DHRSX: variants seen among roughly 807,000 people sequenced by gnomAD.
DHRSX encodes the protein dehydrogenase/reductase X-linked, also known as polyprenol dehydrogenase.
Under a neutral mutation model 34.0 loss-of-function variants are expected in DHRSX, and 31 were observed. That is an observed-to-expected ratio of 0.91 (90% CI 0.69 to 1.23). DHRSX has a LOEUF of 1.23. DHRSX is among the 50% of genes most tolerant of loss of function. The probability of loss-of-function intolerance (pLI) is 0.00; values close to 1 mark genes in which losing one functional copy is unlikely to be tolerated. For missense variants in DHRSX, 414 were observed against 428.1 expected (o/e 0.97, Z 0.29); for synonymous variants, 201 against 183.8 (o/e 1.09, Z -0.76).
intron 2 of DHRSX, among the ~76,000 whole-genome samples, chrX:2,417,055 T>C (rs775533856): frequency 5.3e-5 from 8 of 152,274 alleles, no homozygotes; most frequent in African/African-American, 1.9e-4. Context: ...GACTGCATAA[T>C]TGATTGGATT....
chrX:2,437,708 T>A (rs1372168586), intron 1 of DHRSX, among the ~76,000 whole-genome samples: 36 of 22,824 alleles, frequency 1.6e-3, no homozygotes, highest in Non-Finnish European at 3.0e-3. Context: ...AGTGTGTGTG[T>A]GTGTGTGTGT....
intron 3 of DHRSX, among the ~76,000 whole-genome samples, chrX:2,405,435 C>A (rs1027551337): frequency 2.2e-4 from 34 of 152,056 alleles, no homozygotes; most frequent in African/African-American, 7.7e-4. Context: ...TTGCAGTGAG[C>A]CGAGATCACA....
chrX:2,223,651 A>G (rs2015571058), intron 6 of DHRSX, among the ~76,000 whole-genome samples: 1 of 152,140 alleles, frequency 6.6e-6, no homozygotes, highest in African/African-American at 2.4e-5. Flanking sequence ...GGCAGGGGCC[A>G]AGTGAAGGCA....
chrX:2,493,441 A>G (rs1455334567), intron 1 of DHRSX, among the ~76,000 whole-genome samples: 2 of 151,834 alleles, frequency 1.3e-5, no homozygotes, highest in Admixed American at 6.6e-5. Context: ...CTCAAACAAA[A>G]GTTTAAATTC....
At chrX:2,387,699 A>G (rs1330656491) in intron 3 of DHRSX, among the ~76,000 whole-genome samples, 1 of 152,046 alleles carries the variant, frequency 6.6e-6, no homozygotes, top group Non-Finnish European at 1.5e-5. Flanking sequence ...ACCCAGGATC[A>G]ATACTTTGCA....
At chrX:2,340,941 C>A (rs62583720) in intron 3 of DHRSX, among the ~76,000 whole-genome samples, 1 of 152,034 alleles carries the variant, frequency 6.6e-6, no homozygotes, top group Admixed American at 6.6e-5. Context: ...AGCTGAGCAA[C>A]GAATATTGCC....
intron 3 of DHRSX, chrX:2,334,430 G>C (rs1443983215): frequency 6.6e-6 from 1 of 151,952 alleles, no homozygotes; most frequent in Non-Finnish European, 1.5e-5. Flanking sequence ...TGGGATTACA[G>C]GCGTGAGTCA....
chrX:2,322,485 G>A (rs1196645239), intron 3 of DHRSX, among the ~76,000 whole-genome samples: 1 of 150,890 alleles, frequency 6.6e-6, no homozygotes, highest in Non-Finnish European at 1.5e-5. Flanking sequence ...GGAGGCGTAG[G>A]CTGTACTGAG....
chrX:2,412,532 T>A (rs2043645039), intron 2 of DHRSX, among the ~76,000 whole-genome samples: 1 of 151,194 alleles, frequency 6.6e-6, no homozygotes, highest in South Asian at 2.1e-4. Flanking sequence ...TAAGAGTTCC[T>A]CAAAAAATGA....
At chrX:2,227,190 T>A (rs970450576) in intron 6 of DHRSX, among the ~76,000 whole-genome samples, 2 of 151,864 alleles carry the variant, frequency 1.3e-5, no homozygotes, top group Non-Finnish European at 2.9e-5. Flanking sequence ...CTGCACAGAA[T>A]CCTGCACCTG....
At chrX:2,407,100 T>G (rs2043564791) in intron 3 of DHRSX, among the ~76,000 whole-genome samples, 1 of 152,056 alleles carries the variant, frequency 6.6e-6, no homozygotes, top group African/African-American at 2.4e-5. Flanking sequence ...AAGGAGGAAA[T>G]CCTATCTCCT....
At chrX:2,363,307 G>A (rs969891375) in intron 3 of DHRSX, among the ~76,000 whole-genome samples, 2 of 140,796 alleles carry the variant, frequency 1.4e-5, no homozygotes, top group East Asian at 2.3e-4. Context: ...TTTTATCACC[G>A]TTCTATGGTA....
chrX:2,398,608 A>G (rs2043442871), intron 3 of DHRSX, among the ~76,000 whole-genome samples: 1 of 152,060 alleles, frequency 6.6e-6, no homozygotes, highest in African/African-American at 2.4e-5. Context: ...CTCTTTAGTG[A>G]AAATATATAC....
At chrX:2,474,948 A>G (rs984806840) in intron 1 of DHRSX, among the ~76,000 whole-genome samples, 3 of 150,852 alleles carry the variant, frequency 2.0e-5, no homozygotes, top group African/African-American at 7.3e-5. Context: ...CAGGGAAGGG[A>G]CAGCACTAAA....
At chrX:2,249,106 C>G (rs1283959289) in intron 5 of DHRSX, among the ~76,000 whole-genome samples, 2 of 151,952 alleles carry the variant, frequency 1.3e-5, no homozygotes, top group African/African-American at 2.4e-5. Flanking sequence ...GGCCAGACAA[C>G]CAAAGGAAGG....
At chrX:2,482,094 T>C (rs2044781693) in intron 1 of DHRSX, among the ~76,000 whole-genome samples, 1 of 148,928 alleles carries the variant, frequency 6.7e-6, no homozygotes, top group South Asian at 2.1e-4. Flanking sequence ...GCCTCCCAAG[T>C]AGCTGTGACC....
rs2043062033 is a variant in DHRSX at position 2,371,381 on chromosome X, TTACCACAGTCCCC to T, written c.286+37351_286+37363del. The stretch of plus-strand genomic sequence containing the variant: ...TCCTCCCATTACTATAGACCCTCCG[TTACCACAGTCCCC>T]CCTTCTCACATTACCATAGTCCCTC... On this transcript the variant is annotated intron_variant, in intron 3 of 6. Coordinates refer to ENST00000334651, the MANE Select transcript of DHRSX (RefSeq NM_145177.3). 6.2e-5 allele frequency among the ~76,000 whole-genome samples: 4 copies of T among 64,418 alleles called. No homozygotes were observed. The South Asian group carries it at 1.5e-3, about 25-fold the overall frequency. 42.3% of individuals were successfully genotyped at this position (64,418 alleles called of 152,430 possible). A position where few individuals can be genotyped will look rare whatever the true frequency, so the allele number is the denominator to read the frequency against.
At chrX:2,251,578 G>A (rs1013812516) in intron 5 of DHRSX, among the ~76,000 whole-genome samples, 4 of 152,104 alleles carry the variant, frequency 2.6e-5, no homozygotes, top group African/African-American at 4.8e-5. Flanking sequence ...TAGGGCGGAC[G>A]CATCAAGTGA....
chrX:2,220,855 C>A lies in DHRSX; in HGVS notation c.*186G>T, dbSNP rs2124387671. On this transcript the variant is annotated 3_prime_UTR_variant, in exon 7 of 7. Coordinates refer to ENST00000334651, the MANE Select transcript of DHRSX (RefSeq NM_145177.3). ...GTTGAAGACCACTTGGGGTGATTATCCTCCAAAATGTTTATTTGGCTTCTT... is the reference window on the plus strand; with the variant it reads ...GTTGAAGACCACTTGGGGTGATTATACTCCAAAATGTTTATTTGGCTTCTT... The A allele has an allele frequency of 1.8e-6, 1 of 557,910 alleles. No individual in the cohort carries two copies. The highest frequency in any genetic ancestry group is 2.8e-5 in the East Asian group (1 of 35,474). The allele number at this position is 557,910 out of a possible 1,614,324, so 34.6% of individuals were successfully genotyped here.
Sources: allele counts gnomAD v4.1 joint callset (sites outside exome capture counted in the v4.1 genomes callset), GRCh38; gene constraint gnomAD v4.1.1; transcripts MANE v1.5; gene names NCBI Gene and HGNC (gene_info 2026-07-23, HGNC 2026-07-21).